Variants in ARMC8 observed in about 807,000 individuals in gnomAD.
ARMC8 encodes armadillo repeat-containing protein 8.
ARMC8 carries 20 observed loss-of-function variants against 99.3 expected under a neutral mutation model. That is an observed-to-expected ratio of 0.20 (90% CI 0.14 to 0.29). ARMC8 has a LOEUF of 0.29. Among genes scored for constraint, ARMC8 ranks in the 10% least tolerant of loss-of-function variants. ARMC8 has a pLI of 1.00. For synonymous variants in ARMC8, 263 were observed against 278.3 expected (o/e 0.95, Z 0.55); for missense variants, 569 against 809.5 (o/e 0.70, Z 3.60).
intron 1 of ARMC8, among the ~76,000 whole-genome samples, chr3:138,191,511 T>C (rs1210787242): frequency 2.6e-5 from 4 of 152,208 alleles, no homozygotes; most frequent in African/African-American, 9.6e-5. Flanking sequence ...GAAATTGATC[T>C]TGGTATAAGT....
intron 12 of ARMC8, among the ~76,000 whole-genome samples, chr3:138,255,828 A>G (rs2108230991): frequency 6.6e-6 from 1 of 152,256 alleles, no homozygotes; most frequent in East Asian, 1.9e-4. Context: ...AAAAATACAA[A>G]AATTAGCTGG....
chr3:138,206,505 T>G (rs2044378460), intron 1 of ARMC8, among the ~76,000 whole-genome samples: 1 of 152,232 alleles, frequency 6.6e-6, no homozygotes, highest in Admixed American at 6.5e-5. Context: ...CATTTGAATT[T>G]GCTGTTCTTT....
chr3:138,295,325 T>C (rs951559034), intron 21 of ARMC8, among the ~76,000 whole-genome samples: 6 of 152,220 alleles, frequency 3.9e-5, no homozygotes, highest in East Asian at 1.9e-4. Flanking sequence ...ATTGTAGCCT[T>C]CTTCCACGGT....
intron 2 of ARMC8, among the ~76,000 whole-genome samples, chr3:138,214,647 C>T (rs1343254980): frequency 6.6e-6 from 1 of 152,060 alleles, no homozygotes; most frequent in African/African-American, 2.4e-5. Flanking sequence ...TCTCCTAATA[C>T]ATTTAATCAG....
At chr3:138,284,630 A>T (rs1321782807) in intron 19 of ARMC8, 104 bp downstream of exon 19, 2 of 857,090 alleles carry the variant, frequency 2.3e-6, no homozygotes, top group Admixed American at 4.2e-5. Flanking sequence ...AAAAGAATAG[A>T]TTACTCTGTG....
At chr3:138,209,752 G>C in intron 1 of ARMC8, 65 bp from the exon 2 acceptor site, 1 of 1,291,848 alleles carries the variant, frequency 7.7e-7, no homozygotes, top group Non-Finnish European at 1.1e-6. Context: ...TGATATTGTG[G>C]GTGATGCTGT....
chr3:138,201,196 G>A (rs1366273292), intron 1 of ARMC8, among the ~76,000 whole-genome samples: 3 of 151,432 alleles, frequency 2.0e-5, no homozygotes, highest in East Asian at 3.9e-4. Context: ...ACAGGCGTGA[G>A]CTATGCCTGG....
At chr3:138,232,423 A>G (rs373241352) in intron 6 of ARMC8, among the ~76,000 whole-genome samples, 2 of 152,306 alleles carry the variant, frequency 1.3e-5, no homozygotes, top group East Asian at 3.9e-4. Context: ...ACAATTATAT[A>G]TAGAGAGAAT....
chr3:138,214,009 AG>A (rs2044858946), intron 2 of ARMC8, among the ~76,000 whole-genome samples: 2 of 152,014 alleles, frequency 1.3e-5, no homozygotes, highest in African/African-American at 4.8e-5. Context: ...AAAATTAGCC[AG>A]GCGTGGTGGT....
intron 1 of ARMC8, among the ~76,000 whole-genome samples, chr3:138,189,104 T>C (rs80355202): frequency 0.064 from 9,811 of 152,248 alleles, 1,032 homozygotes; most frequent in African/African-American, 0.22. Context: ...TCACCTGAAG[T>C]TTACTTTTTG....
chr3:138,191,018 T>C (rs1183452884), intron 1 of ARMC8, among the ~76,000 whole-genome samples: 1 of 152,166 alleles, frequency 6.6e-6, no homozygotes, highest in African/African-American at 2.4e-5. Context: ...AGCTGAAAGT[T>C]CAAGGATAAG....
At chr3:138,254,160 C>G (rs1183714743) in intron 12 of ARMC8, among the ~76,000 whole-genome samples, 1 of 152,114 alleles carries the variant, frequency 6.6e-6, no homozygotes, top group Non-Finnish European at 1.5e-5. Context: ...TATCAAGGTG[C>G]TATTTTAGCA....
At chr3:138,295,465 T>C (rs933970810) in intron 21 of ARMC8, among the ~76,000 whole-genome samples, 3 of 152,160 alleles carry the variant, frequency 2.0e-5, no homozygotes, top group African/African-American at 7.2e-5. Context: ...CTAAGTGTTC[T>C]CCCTAGTGTT....
intron 1 of ARMC8, among the ~76,000 whole-genome samples, chr3:138,196,314 A>G (rs529338116): frequency 6.6e-6 from 1 of 152,258 alleles, no homozygotes; most frequent in African/African-American, 2.4e-5. Context: ...AATGAGTTTC[A>G]TTTTGGACAT....
rs372273397 is a variant in ARMC8 at position 138,232,252 on chromosome 3, A to G, written c.529-2782A>G. Among the ~76,000 whole-genome samples the G allele has an allele frequency of 2.6e-3, 394 of 152,146 alleles. 22 individuals carry two copies. In the South Asian group the frequency reaches 0.076, roughly 29 times the overall value. ...CGGCTTCCCAAAGTGCTGGGATTAC[A>G]GACATGAGCCACTGCGTCTAGCCCC... On this transcript the variant is annotated intron_variant, in intron 6 of 21. Coordinates refer to ENST00000469044, the MANE Select transcript of ARMC8 (RefSeq NM_001363941.2).
In ARMC8 at chr3:138,295,902, C is replaced by T. The variant is rs528615643; in HGVS notation, c.*10C>T. Reference sequence around the variant, plus strand: ...GCAGTACCTGGCATGATGGGAGTGCCCCTGGGCACCTGCGAGCATCCCACC... The same window carrying T: ...GCAGTACCTGGCATGATGGGAGTGCTCCTGGGCACCTGCGAGCATCCCACC... On this transcript the variant is annotated 3_prime_UTR_variant, in exon 22 of 22. Coordinates refer to ENST00000469044, the MANE Select transcript of ARMC8 (RefSeq NM_001363941.2). The T allele has an allele frequency of 1.9e-6, 3 of 1,613,096 alleles. No individual in the cohort carries two copies. Among genetic ancestry groups the T allele is most frequent in the South Asian group, 1.1e-5 (1 of 90,858 alleles).
intron 18 of ARMC8, among the ~76,000 whole-genome samples, chr3:138,276,125 G>T (rs1178220317): frequency 6.6e-6 from 1 of 152,128 alleles, no homozygotes; most frequent in Non-Finnish European, 1.5e-5. Context: ...CAACAGTATT[G>T]TTTTTGCAGG....
At chr3:138,282,784 A>C (rs954714372) in intron 18 of ARMC8, among the ~76,000 whole-genome samples, 1 of 151,834 alleles carries the variant, frequency 6.6e-6, no homozygotes, top group Non-Finnish European at 1.5e-5. Flanking sequence ...TTGACTGTCA[A>C]CTCTTCCCCA....
chr3:138,226,527 A>G (rs1165895989), intron 5 of ARMC8, among the ~76,000 whole-genome samples: 4 of 152,176 alleles, frequency 2.6e-5, no homozygotes, highest in Admixed American at 6.5e-5. Flanking sequence ...GCTGGTCTCA[A>G]AGTACTTTCT....
Sources: allele counts gnomAD v4.1 joint callset (sites outside exome capture counted in the v4.1 genomes callset), GRCh38; gene constraint gnomAD v4.1.1; transcripts MANE v1.5; gene names NCBI Gene and HGNC (gene_info 2026-07-23, HGNC 2026-07-21).